SERINC5: variants seen among roughly 807,000 people sequenced by gnomAD.
The protein encoded by SERINC5 is chromosome 5 open reading frame 12.
Under a neutral mutation model 63.1 loss-of-function variants are expected in SERINC5, and 41 were observed. That is an observed-to-expected ratio of 0.65 (90% CI 0.51 to 0.84). The LOEUF (loss-of-function observed/expected upper bound fraction) is 0.84, where lower values mean the gene tolerates loss of function less well. Among genes scored for constraint, SERINC5 ranks in the 40% least tolerant of loss-of-function variants. The pLI, the probability that SERINC5 is intolerant of heterozygous loss-of-function variation, is 0.00. For missense variants in SERINC5, 523 were observed against 573.0 expected (o/e 0.91, Z 0.89); for synonymous variants, 222 against 215.2 (o/e 1.03, Z -0.28).
intron 2 of SERINC5, among the ~76,000 whole-genome samples, chr5:80,202,068 C>A (rs1271988115): frequency 2.0e-5 from 3 of 151,850 alleles, no homozygotes; most frequent in African/African-American, 7.3e-5. Flanking sequence ...TGAAACCCTG[C>A]CTCTACTAAA....
chr5:80,227,500 C>T (rs1005909292), intron 1 of SERINC5, among the ~76,000 whole-genome samples: 4 of 151,972 alleles, frequency 2.6e-5, no homozygotes, highest in Non-Finnish European at 5.9e-5. Context: ...GCGGCTCACA[C>T]CTCTAATCCT....
intron 7 of SERINC5, among the ~76,000 whole-genome samples, chr5:80,162,013 A>G (rs796942806): frequency 4.6e-5 from 7 of 152,320 alleles, no homozygotes; most frequent in African/African-American, 1.7e-4. Context: ...CAAAGACCAG[A>G]TGGCTATAAA....
At position 80,143,441 on chromosome 5, in the gene SERINC5, T is replaced by C; in HGVS notation, c.*222A>G. The C allele has an allele frequency of 7.6e-7, 1 of 1,309,138 alleles. No homozygotes were observed. The highest frequency in any genetic ancestry group is 9.7e-7 in the Non-Finnish European group (1 of 1,030,152). 81.1% of individuals were successfully genotyped at this position (1,309,138 alleles called of 1,614,324 possible). A position where few individuals can be genotyped will look rare whatever the true frequency, so the allele number is the denominator to read the frequency against. Reference sequence around the variant, plus strand: ...TCCTAGGGGTAAGATATTTCAACCATGATCAGTTTGGTTGAAAATTTCAAT... The same window carrying C: ...TCCTAGGGGTAAGATATTTCAACCACGATCAGTTTGGTTGAAAATTTCAAT... On this transcript the variant is annotated 3_prime_UTR_variant, in exon 12 of 12. Transcript: ENST00000507668.
chr5:80,116,009 ACG>A, intron 11 of SERINC5: 3 of 282,002 alleles, frequency 1.1e-5, no homozygotes, highest in Non-Finnish European at 2.1e-5. Context: ...TTCCACACAC[ACG>A]TGAAAGAAAT....
chr5:80,159,304 C>A (rs1746737156), intron 7 of SERINC5, among the ~76,000 whole-genome samples: 1 of 152,120 alleles, frequency 6.6e-6, no homozygotes, highest in African/African-American at 2.4e-5. Context: ...AGGTAGGGTG[C>A]AGATACCAAG....
intron 7 of SERINC5, among the ~76,000 whole-genome samples, chr5:80,160,509 A>G (rs1746812317): frequency 6.6e-6 from 1 of 152,180 alleles, no homozygotes; most frequent in Admixed American, 6.5e-5. Context: ...TATGACTAGT[A>G]TTTGCACTTG....
chr5:80,255,821 C>A (rs1425001887), intron 1 of SERINC5, 75 bp downstream of exon 1: 2 of 1,485,348 alleles, frequency 1.3e-6, no homozygotes, highest in African/African-American at 2.9e-5. Flanking sequence ...CGCACCCAGG[C>A]AGGTCCTCCA....
At position 80,158,957 on chromosome 5, in the gene SERINC5, C is replaced by A. The variant is rs1417479569; in HGVS notation, c.865G>T (p.Asp289Tyr). 3 of 1,613,566 alleles carry A rather than the reference C, an allele frequency of 1.9e-6. No homozygotes were observed. Among genetic ancestry groups the A allele is most frequent in the Non-Finnish European group, 8.5e-7 (1 of 1,179,804 alleles). The change falls in exon 8 of 12, where the codon GAT becomes TAT. Residue 289 changes from aspartate (D) to tyrosine (Y), a missense_variant. Transcript: ENST00000507668. ...LSSKPAEVVL[D>Y]EHGKNVTICV... ...ATTGTAACATTTTTCCCATGTTCAT[C>A]TAGAACTTGAAAAGAAAAAACAAAG...
intron 1 of SERINC5, among the ~76,000 whole-genome samples, chr5:80,205,234 T>C (rs1381974752): frequency 6.6e-6 from 1 of 152,232 alleles, no homozygotes; most frequent in Admixed American, 6.5e-5. Context: ...ACTCAGGTCC[T>C]CCTTTCCATT....
intron 1 of SERINC5, among the ~76,000 whole-genome samples, chr5:80,242,203 A>G (rs939621146): frequency 6.6e-6 from 1 of 152,200 alleles, no homozygotes; most frequent in African/African-American, 2.4e-5. Flanking sequence ...AAAAAGCAAG[A>G]AAGACCCAGT....
At chr5:80,199,845 G>A (rs1008780548) in intron 2 of SERINC5, among the ~76,000 whole-genome samples, 2 of 151,988 alleles carry the variant, frequency 1.3e-5, no homozygotes, top group Admixed American at 6.6e-5. Context: ...GTACCACAGT[G>A]GATCATCAAG....
At chr5:80,236,437 C>T (rs1256816205) in intron 1 of SERINC5, among the ~76,000 whole-genome samples, 2 of 152,144 alleles carry the variant, frequency 1.3e-5, no homozygotes, top group Admixed American at 6.6e-5. Context: ...AAAAAATCCA[C>T]ACCAAAAATA....
chr5:80,146,259 G>T, intron 10 of SERINC5, 25 bp from the exon 11 acceptor site: 1 of 1,613,226 alleles, frequency 6.2e-7, no homozygotes, highest in Non-Finnish European at 8.5e-7. Flanking sequence ...GGGAGCCCAG[G>T]CTCAATGAGT....
chr5:80,180,024 T>C (rs1580122631), intron 2 of SERINC5, among the ~76,000 whole-genome samples: 1 of 151,676 alleles, frequency 6.6e-6, no homozygotes, highest in Non-Finnish European at 1.5e-5. Flanking sequence ...TGGCCATCTG[T>C]TTTTTTTCTC....
At position 80,207,846 on chromosome 5, in the gene SERINC5, G is replaced by A. The variant is rs142342436; in HGVS notation, c.28-4793C>T. Among the ~76,000 whole-genome samples the A allele has an allele frequency of 5.9e-3, 904 of 152,274 alleles. 8 individuals carry two copies. Among genetic ancestry groups the A allele is most frequent in the African/African-American group, 0.021 (857 of 41,558 alleles). ...CTACACATTGATATATATACCAGGT[G>A]GAAATTCAAAACAGCATCCGTAAAA... On this transcript the variant is annotated intron_variant, in intron 1 of 11. Transcript: ENST00000507668.
In SERINC5 at chr5:80,202,939, C is replaced by A. The variant is rs539325635; in HGVS notation, c.142G>T (p.Val48Phe). The A allele has an allele frequency of 6.2e-7, 1 of 1,613,128 alleles. No individual in the cohort carries two copies. Among genetic ancestry groups the A allele is most frequent in the Admixed American group, 1.7e-5 (1 of 59,974 alleles). The change falls in exon 2 of 12, where the codon GTC becomes TTC. Residue 48 changes from valine to phenylalanine, a missense_variant. Val to Phe is a conservative substitution (Grantham distance 50). Transcript: ENST00000507668. ...GTTGACATCATGATGCAGCAGAGGACGACGACCAGAATGAAGTAGAGGGCG... is the reference window on the plus strand; with the variant it reads ...GTTGACATCATGATGCAGCAGAGGAAGACGACCAGAATGAAGTAGAGGGCG... The part of the protein sequence containing the change: ...MYALYFILVV[V>F]LCCIMMSTTV...
intron 11 of SERINC5, among the ~76,000 whole-genome samples, chr5:80,120,796 A>G (rs1322633919): frequency 6.6e-6 from 1 of 152,174 alleles, no homozygotes. Context: ...TGGGGGACAG[A>G]GTGAGACTCT....
At chr5:80,133,570 T>C (rs1478750770) in intron 11 of SERINC5, among the ~76,000 whole-genome samples, 1 of 152,052 alleles carries the variant, frequency 6.6e-6, no homozygotes, top group Non-Finnish European at 1.5e-5. Context: ...TAGAAGAATA[T>C]AGAGGGCCCA....
chr5:80,236,043 G>A lies in SERINC5; in HGVS notation c.27+19853C>T, dbSNP rs148771181. Among the ~76,000 whole-genome samples, 1,059 of 146,706 alleles carry A rather than the reference G, an allele frequency of 7.2e-3. 14 individuals are homozygous for A. Among genetic ancestry groups the A allele is most frequent in the African/African-American group, 0.025 (992 of 39,760 alleles). ...CTCCTTTTTAACCCATTTTATCACG[G>A]TTAAATACTGGATCTACACATTACT... On this transcript the variant is annotated intron_variant, in intron 1 of 11. Transcript: ENST00000507668.
Sources: allele counts gnomAD v4.1 joint callset (sites outside exome capture counted in the v4.1 genomes callset), GRCh38; gene constraint gnomAD v4.1.1; transcripts MANE v1.5; gene names NCBI Gene and HGNC (gene_info 2026-07-23, HGNC 2026-07-21).